PCDHGA3: variants seen among roughly 807,000 people sequenced by gnomAD.
PCDHGA3 encodes protocadherin gamma-A3.
A neutral mutation model predicts 58.5 loss-of-function variants in PCDHGA3; 40 were observed. The ratio of observed to expected loss-of-function variants is 0.68; its 90% CI spans 0.53 to 0.89. PCDHGA3 has a LOEUF of 0.89. PCDHGA3 is among the 40% of genes least tolerant of loss of function. The probability of loss-of-function intolerance (pLI) is 0.00; values close to 1 mark genes in which losing one functional copy is unlikely to be tolerated. For missense variants in PCDHGA3, 1,223 were observed against 1,195.9 expected, an observed-to-expected ratio of 1.02 and a Z score of -0.33; for synonymous variants, 530 against 525.7, an observed-to-expected ratio of 1.01 and a Z score of -0.11.
rs1758792333 is a variant in PCDHGA3, at chr5:141,351,701, G to C, written c.2424+5244G>C. ...CTCCGACCCGGATTTGGGACCCAAC[G>C]GCAGAGTCTCCTACTCTATTCTGGC... On this transcript the variant is annotated intron_variant, in intron 1 of 3. Transcript: ENST00000253812. 8.7e-6 allele frequency: 14 copies of C among 1,613,926 alleles called. No homozygotes were observed. Among genetic ancestry groups the C allele is most frequent in the African/African-American group, 1.3e-5 (1 of 75,066 alleles).
At position 141,408,137 on chromosome 5, in the gene PCDHGA3, T is replaced by C; in HGVS notation, c.2424+61680T>C. ...CTCCTGTCCTGGGCCGAATGCTCTT[T>C]TAGCGCGGTAGAGTGCACTTTCTCC... On this transcript the variant is annotated intron_variant, in intron 1 of 3. Coordinates refer to ENST00000253812, the MANE Select transcript of PCDHGA3 (RefSeq NM_018916.4). 4.0e-6 allele frequency: 6 copies of C among 1,488,870 alleles called. No individual in the cohort carries two copies. The South Asian group carries it at 8.2e-5, about 20-fold the overall frequency. 92.2% of individuals were successfully genotyped at this position (1,488,870 alleles called of 1,614,324 possible).
At chr5:141,376,594 G>A in intron 1 of PCDHGA3, 2 of 1,525,706 alleles carry the variant, frequency 1.3e-6, no homozygotes, top group Non-Finnish European at 1.8e-6. Flanking sequence ...TAGATCGGCT[G>A]TTATAGAAGC....
intron 1 of PCDHGA3, chr5:141,378,349 C>T (rs1774833758): frequency 6.6e-6 from 1 of 152,158 alleles, no homozygotes; most frequent in African/African-American, 2.4e-5. Flanking sequence ...ATGGTGAAAC[C>T]CCGTCTCTAC....
chr5:141,420,438 GC>G, intron 1 of PCDHGA3: 1 of 1,107,996 alleles, frequency 9.0e-7, no homozygotes, highest in Non-Finnish European at 1.2e-6. Flanking sequence ...TAAATTAAAT[GC>G]CTCAGTCTTC....
At chr5:141,484,287 C>T (rs1432341538) in intron 1 of PCDHGA3, among the ~76,000 whole-genome samples, 1 of 152,268 alleles carries the variant, frequency 6.6e-6, no homozygotes, top group Non-Finnish European at 1.5e-5. Context: ...GAAACATCTC[C>T]CTCTCCTGGC....
chr5:141,497,100 T>A (rs886445893), intron 2 of PCDHGA3, among the ~76,000 whole-genome samples: 2 of 151,774 alleles, frequency 1.3e-5, no homozygotes, highest in Non-Finnish European at 2.9e-5. Context: ...GAGGCAGAAC[T>A]GCTTGAACCC....
chr5:141,405,568 T>C, intron 1 of PCDHGA3: 1 of 606,666 alleles, frequency 1.6e-6, no homozygotes, highest in South Asian at 2.1e-5. Context: ...GGGACTAGAG[T>C]AGAGTAGCTG....
At position 141,511,916 on chromosome 5, in the gene PCDHGA3, C is replaced by T. The variant is rs2099884006; in HGVS notation, c.*743C>T. ...CCACCTCCTCCTCAAACAAGAGACT[C>T]CACTGCATGTTCCAAGACAGTATGG... On this transcript the variant is annotated 3_prime_UTR_variant, in exon 4 of 4. Coordinates refer to ENST00000253812, the MANE Select transcript of PCDHGA3 (RefSeq NM_018916.4). The T allele has an allele frequency of 6.4e-6, 1 of 156,466 alleles. No individual in the cohort carries two copies. The highest frequency in any genetic ancestry group is 2.4e-5 in the African/African-American group (1 of 41,474). The allele number at this position is 156,466 out of a possible 1,614,324, so 9.7% of individuals were successfully genotyped here.
At chr5:141,422,463 C>T in intron 1 of PCDHGA3, 1 of 1,613,472 alleles carries the variant, frequency 6.2e-7, no homozygotes, top group African/African-American at 1.3e-5. Context: ...GAGTGCTGGA[C>T]AGGGAGTTGG....
chr5:141,383,316 T>C (rs1779018146), intron 1 of PCDHGA3: 3 of 1,613,880 alleles, frequency 1.9e-6, no homozygotes, highest in Non-Finnish European at 1.7e-6. Context: ...AAGAAATAAA[T>C]GTAAAAATAA....
chr5:141,410,090 C>A (rs369832481), intron 1 of PCDHGA3: 51 of 1,612,358 alleles, frequency 3.2e-5, no homozygotes, highest in Middle Eastern at 1.7e-4. Context: ...GCGCACGGCT[C>A]GAGCCTTAGG....
intron 1 of PCDHGA3, chr5:141,361,583 C>A: frequency 6.2e-7 from 1 of 1,614,032 alleles, no homozygotes; most frequent in Non-Finnish European, 8.5e-7. Context: ...GACTTGGGCC[C>A]CAGTGGCCAA....
chr5:141,404,261 C>G, intron 1 of PCDHGA3: 1 of 1,613,950 alleles, frequency 6.2e-7, no homozygotes. Flanking sequence ...CACAGAAATT[C>G]ACATCACCCT....
At chr5:141,445,070 A>G (rs185808898) in intron 1 of PCDHGA3, among the ~76,000 whole-genome samples, 30 of 152,306 alleles carry the variant, frequency 2.0e-4, no homozygotes, top group African/African-American at 7.2e-4. Context: ...TATATTTCTC[A>G]TTAAATTGTC....
chr5:141,444,467 G>C (rs1288596542), intron 1 of PCDHGA3, among the ~76,000 whole-genome samples: 2 of 151,998 alleles, frequency 1.3e-5, no homozygotes, highest in Admixed American at 6.6e-5. Flanking sequence ...CACTGCGCCC[G>C]GTCGCGTACT....
chr5:141,380,974 A>G (rs1008958709), intron 1 of PCDHGA3, among the ~76,000 whole-genome samples: 1 of 152,262 alleles, frequency 6.6e-6, no homozygotes, highest in Non-Finnish European at 1.5e-5. Flanking sequence ...TATTAAACAA[A>G]TAGAATTTAA....
At chr5:141,414,844 C>T (rs769714220) in intron 1 of PCDHGA3, 3 of 1,614,216 alleles carry the variant, frequency 1.9e-6, no homozygotes, top group South Asian at 2.2e-5. Flanking sequence ...CCTGTTTGTG[C>T]TGGACCAGAA....
At position 141,413,874 on chromosome 5, in the gene PCDHGA3, T is replaced by G. The variant is rs1371905896; in HGVS notation, c.2424+67417T>G. ...TCCGATCTGGCACTGTCCTTGTCAG[T>G]GTGACTGTCTTCGATGCAAATGACA... is the stretch of plus-strand genomic sequence containing the variant. On this transcript the variant is annotated intron_variant, in intron 1 of 3. Coordinates refer to ENST00000253812, the MANE Select transcript of PCDHGA3 (RefSeq NM_018916.4). 6 of 1,613,306 alleles carry G rather than the reference T, an allele frequency of 3.7e-6. No homozygotes were observed. In the African/African-American group the frequency reaches 8.0e-5, roughly 22 times the overall value.
chr5:141,414,854 A>C (rs1191943867), intron 1 of PCDHGA3: 3 of 1,614,230 alleles, frequency 1.9e-6, no homozygotes, highest in Non-Finnish European at 2.5e-6. Context: ...CTGGACCAGA[A>C]CGACAATGCG....
Sources: gnomAD v4.1 joint callset for allele counts (sites outside exome capture counted in the v4.1 genomes callset) on GRCh38, gnomAD v4.1.1 for gene constraint, MANE v1.5 for transcripts, NCBI Gene and HGNC (gene_info 2026-07-23, HGNC 2026-07-21) for gene names.